TNIK: variants seen among roughly 807,000 people sequenced by gnomAD.
TNIK encodes TRAF2 and NCK-interacting protein kinase.
A neutral mutation model predicts 191.3 loss-of-function variants in TNIK; 49 were observed. The ratio of observed to expected loss-of-function variants is 0.26; its 90% confidence interval spans 0.20 to 0.32. TNIK has a LOEUF of 0.32. Ranked by LOEUF, TNIK falls within the 10% of genes least tolerant of loss-of-function variation. The pLI, the probability that TNIK is intolerant of heterozygous loss-of-function variation, is 1.00. For synonymous variants in TNIK, 594 were observed against 600.9 expected (o/e 0.99, Z 0.17); for missense variants, 1,155 against 1,702.3 (o/e 0.68, Z 5.66).
chr3:171,076,395 AT>A (rs570243485), intron 28 of TNIK, among the ~76,000 whole-genome samples: 1 of 152,110 alleles, frequency 6.6e-6, no homozygotes, highest in Non-Finnish European at 1.5e-5. Flanking sequence ...CACATTCTGT[AT>A]TTGATACACT....
At chr3:171,080,505 C>T (rs12496038) in intron 27 of TNIK, among the ~76,000 whole-genome samples, 10,949 of 151,832 alleles carry the variant, frequency 0.072, 437 homozygotes, top group Middle Eastern at 0.13. Context: ...GGCATGATCT[C>T]GGCTCACTGC....
At chr3:171,148,617 C>T (rs1283117672) in intron 12 of TNIK, among the ~76,000 whole-genome samples, 2 of 152,120 alleles carry the variant, frequency 1.3e-5, no homozygotes, top group Non-Finnish European at 2.9e-5. Context: ...TTTATTAATA[C>T]AGTATTTACA....
At chr3:171,147,191 A>G (rs867719036) in intron 12 of TNIK, among the ~76,000 whole-genome samples, 1 of 152,154 alleles carries the variant, frequency 6.6e-6, no homozygotes, top group Admixed American at 6.5e-5. Context: ...GTTGGCCTCC[A>G]GAGGACAGGA....
At chr3:171,411,621 T>C (rs933099356) in intron 1 of TNIK, among the ~76,000 whole-genome samples, 4 of 152,210 alleles carry the variant, frequency 2.6e-5, no homozygotes, top group South Asian at 2.1e-4. Flanking sequence ...TAGATAATTA[T>C]GCAGTCCTGG....
intron 20 of TNIK, 99 bp downstream of exon 20, chr3:171,107,966 C>A: frequency 1.6e-6 from 2 of 1,221,554 alleles, no homozygotes; most frequent in South Asian, 2.9e-5. Flanking sequence ...CTAATCTCAA[C>A]AATTTTTGTT....
At chr3:171,438,890 C>A (rs955664117) in intron 1 of TNIK, among the ~76,000 whole-genome samples, 14 of 152,156 alleles carry the variant, frequency 9.2e-5, no homozygotes, top group African/African-American at 3.4e-4. Context: ...CCAACCCTGT[C>A]AAGCACATTT....
chr3:171,432,285 A>C (rs1186016302), intron 1 of TNIK, among the ~76,000 whole-genome samples: 1 of 152,230 alleles, frequency 6.6e-6, no homozygotes, highest in Non-Finnish European at 1.5e-5. Flanking sequence ...GACGGATACA[A>C]AAATAAATAA....
rs1276307221 is a variant in TNIK at position 171,361,913 on chromosome 3, G to A, written c.123+7707C>T. 3.9e-5 allele frequency among the ~76,000 whole-genome samples: 6 copies of A among 152,222 alleles called. No homozygotes were observed. The East Asian group carries it at 7.7e-4, about 20-fold the overall frequency. The stretch of plus-strand genomic sequence containing the variant: ...AATTTTACAGATGAGAACAACTGAA[G>A]TTCCAAATAGATCTATGGCAAGCTC... On this transcript the variant is annotated intron_variant, in intron 2 of 32. Coordinates refer to ENST00000436636, the MANE Select transcript of TNIK (RefSeq NM_015028.4).
At chr3:171,427,648 C>A (rs536752732) in intron 1 of TNIK, among the ~76,000 whole-genome samples, 1 of 152,190 alleles carries the variant, frequency 6.6e-6, no homozygotes, top group African/African-American at 2.4e-5. Context: ...TGCTTTCTCT[C>A]GCATTAGTTA....
intron 16 of TNIK, among the ~76,000 whole-genome samples, chr3:171,127,938 AT>A (rs1304574879): frequency 6.6e-6 from 1 of 152,130 alleles, no homozygotes; most frequent in African/African-American, 2.4e-5. Context: ...AAACTACATT[AT>A]TTTTCATGGA....
chr3:171,097,628 C>T (rs1722899624), intron 22 of TNIK, among the ~76,000 whole-genome samples: 1 of 152,226 alleles, frequency 6.6e-6, no homozygotes, highest in South Asian at 2.1e-4. Flanking sequence ...CTCTTGCCTG[C>T]TGCCATGTAA....
chr3:171,095,556 T>A (rs752584271), intron 22 of TNIK, among the ~76,000 whole-genome samples: 10 of 152,254 alleles, frequency 6.6e-5, no homozygotes, highest in South Asian at 4.1e-4. Flanking sequence ...TTGTTTCTTA[T>A]ATATTTAAAA....
chr3:171,325,649 G>T (rs1055689937), intron 2 of TNIK, among the ~76,000 whole-genome samples: 1 of 152,132 alleles, frequency 6.6e-6, no homozygotes, highest in Non-Finnish European at 1.5e-5. Flanking sequence ...TTCATTGAGG[G>T]TGTTGTATTT....
intron 24 of TNIK, 77 bp downstream of exon 24, chr3:171,087,265 A>G (rs1721483903): frequency 6.4e-7 from 1 of 1,568,550 alleles, no homozygotes; most frequent in African/African-American, 1.4e-5. Flanking sequence ...GCGAAGCCTC[A>G]TTCTTGAAGA....
chr3:171,329,262 ATTAT>A (rs1756150065), intron 2 of TNIK, among the ~76,000 whole-genome samples: 1 of 152,204 alleles, frequency 6.6e-6, no homozygotes, highest in Non-Finnish European at 1.5e-5. Flanking sequence ...ATTTTAAAAA[ATTAT>A]TTAATACCAT....
chr3:171,214,492 A>G (rs1279138688), intron 3 of TNIK, among the ~76,000 whole-genome samples: 1 of 152,248 alleles, frequency 6.6e-6, no homozygotes, highest in African/African-American at 2.4e-5. Flanking sequence ...ATCATAAAGG[A>G]TCACAGGCTA....
intron 22 of TNIK, among the ~76,000 whole-genome samples, chr3:171,094,813 A>G (rs1722512983): frequency 6.6e-6 from 1 of 151,714 alleles, no homozygotes; most frequent in Non-Finnish European, 1.5e-5. Flanking sequence ...TTTTTCCTTC[A>G]TAGTTCTCAT....
chr3:171,426,119 A>G (rs1401432945), intron 1 of TNIK, among the ~76,000 whole-genome samples: 71 of 152,184 alleles, frequency 4.7e-4, no homozygotes, highest in African/African-American at 1.7e-3. Context: ...TGTTTACTGC[A>G]GCACTACTCA....
intron 2 of TNIK, among the ~76,000 whole-genome samples, chr3:171,252,247 G>A (rs779508567): frequency 6.6e-6 from 1 of 152,092 alleles, no homozygotes; most frequent in African/African-American, 2.4e-5. Flanking sequence ...AACCTGTTGG[G>A]CATACAGTAG....
Sources: allele counts gnomAD v4.1 joint callset (sites outside exome capture counted in the v4.1 genomes callset), GRCh38; gene constraint gnomAD v4.1.1; transcripts MANE v1.5; gene names NCBI Gene and HGNC (gene_info 2026-07-23, HGNC 2026-07-21).